The following SGCZ variants were observed in gnomAD, a reference collection of about 807,000 sequenced individuals.
The protein encoded by SGCZ is zeta-sarcoglycan.
SGCZ carries 40 observed loss-of-function variants against 41.3 expected under a neutral mutation model. The ratio of observed to expected loss-of-function variants is 0.97; its 90% confidence interval spans 0.75 to 1.26. The LOEUF is 1.26. SGCZ is among the 50% of genes most tolerant of loss of function. The pLI is 0.00. For synonymous variants in SGCZ, 206 were observed against 137.5 expected (o/e 1.50, Z -3.49); for missense variants, 552 against 369.8 (o/e 1.49, Z -4.04).
intron 3 of SGCZ, among the ~76,000 whole-genome samples, chr8:14,294,477 C>T (rs1440387405): frequency 6.6e-6 from 1 of 151,828 alleles, no homozygotes; most frequent in African/African-American, 2.4e-5. Context: ...TATATAAAAA[C>T]ATTGCTGCGA....
At chr8:14,182,722 T>C (rs1366495387) in intron 4 of SGCZ, among the ~76,000 whole-genome samples, 1 of 152,056 alleles carries the variant, frequency 6.6e-6, no homozygotes, top group East Asian at 1.9e-4. Context: ...AACTGACTAA[T>C]GTATGGCCAG....
rs1353460073 is a variant in SGCZ at position 15,022,180 on chromosome 8, ATTTG to A, written c.39+215401_39+215404del. Among the ~76,000 whole-genome samples the A allele has an allele frequency of 6.6e-5, 10 of 152,284 alleles. No homozygotes were observed. The East Asian group carries it at 1.9e-3, about 29-fold the overall frequency. On this transcript the variant is annotated intron_variant, in intron 1 of 7. Transcript: ENST00000382080. ...AATTTCATATAAATGAATTACTGGA[ATTTG>A]TTTATTTATACTTTCATTTTGTTCA... is the stretch of plus-strand genomic sequence containing the variant.
chr8:14,498,378 C>T (rs1261191731), intron 2 of SGCZ, among the ~76,000 whole-genome samples: 3 of 152,054 alleles, frequency 2.0e-5, no homozygotes, highest in Non-Finnish European at 4.4e-5. Flanking sequence ...AATTCTGATA[C>T]ATTTTGGTTG....
At chr8:14,757,633 C>CA (rs1348257682) in intron 1 of SGCZ, among the ~76,000 whole-genome samples, 5 of 152,138 alleles carry the variant, frequency 3.3e-5, no homozygotes, top group Non-Finnish European at 5.9e-5. Flanking sequence ...TACCGGGTAG[C>CA]ATGATAGAGA....
At chr8:14,225,957 C>A (rs1382230116) in intron 4 of SGCZ, among the ~76,000 whole-genome samples, 2 of 152,010 alleles carry the variant, frequency 1.3e-5, no homozygotes, top group African/African-American at 2.4e-5. Context: ...TAGACCTTAT[C>A]AAAAGTTTCC....
intron 2 of SGCZ, among the ~76,000 whole-genome samples, chr8:14,477,148 T>C (rs1801385175): frequency 6.6e-6 from 1 of 152,192 alleles, no homozygotes; most frequent in African/African-American, 2.4e-5. Context: ...GTGACTAATT[T>C]ACAGTAATAG....
chr8:15,007,278 T>G (rs535268228), intron 1 of SGCZ, among the ~76,000 whole-genome samples: 1 of 152,354 alleles, frequency 6.6e-6, no homozygotes, highest in East Asian at 1.9e-4. Context: ...CAGATTTTGA[T>G]ACTATGTTAC....
In SGCZ at chr8:14,810,099, G is replaced by T. The variant is rs975524687; in HGVS notation, c.40-255173C>A. Among the ~76,000 whole-genome samples, 4 of 152,072 alleles carry T rather than the reference G, an allele frequency of 2.6e-5. No homozygotes were observed. In the East Asian group the frequency reaches 7.7e-4, roughly 29 times the overall value. On this transcript the variant is annotated intron_variant, in intron 1 of 7. Transcript: ENST00000382080. ...AAAGTGTGAAATTTCAGTGCTGAAG[G>T]TAAGGAAGTAATGGCAAAAAAATTT...
chr8:14,311,289 T>C (rs1453517356), intron 3 of SGCZ, among the ~76,000 whole-genome samples: 2 of 152,116 alleles, frequency 1.3e-5, no homozygotes, highest in African/African-American at 4.8e-5. Flanking sequence ...TAACTTTAAC[T>C]GATAGAAACA....
intron 1 of SGCZ, among the ~76,000 whole-genome samples, chr8:15,208,916 G>GAA (rs1801156163): frequency 2.0e-5 from 3 of 151,776 alleles, no homozygotes; most frequent in African/African-American, 7.3e-5. Context: ...GAGAGAGAGA[G>GAA]AGAGAGAATT....
chr8:14,769,816 C>CAAAAAAAAA (rs1800174947), intron 1 of SGCZ, among the ~76,000 whole-genome samples: 1 of 91,218 alleles, frequency 1.1e-5, no homozygotes, highest in African/African-American at 8.5e-5. Flanking sequence ...AAAAAAAAAA[C>CAAAAAAAAA]CCAGCAACAA....
chr8:14,877,396 G>A (rs929350613), intron 1 of SGCZ, among the ~76,000 whole-genome samples: 8 of 152,122 alleles, frequency 5.3e-5, no homozygotes, highest in African/African-American at 1.9e-4. Flanking sequence ...TGTCTAAAAT[G>A]TATTATCAAA....
intron 1 of SGCZ, among the ~76,000 whole-genome samples, chr8:15,231,185 C>G (rs1801927038): frequency 6.6e-6 from 1 of 152,164 alleles, no homozygotes; most frequent in African/African-American, 2.4e-5. Flanking sequence ...CCCTGTTTCC[C>G]TGATGGACAT....
chr8:14,196,274 T>C (rs1805264323), intron 4 of SGCZ, among the ~76,000 whole-genome samples: 1 of 151,920 alleles, frequency 6.6e-6, no homozygotes, highest in African/African-American at 2.4e-5. Flanking sequence ...ATTTTTTTTT[T>C]TTTTTAAAGA....
At chr8:14,955,540 G>C (rs1207624164) in intron 1 of SGCZ, among the ~76,000 whole-genome samples, 1 of 152,146 alleles carries the variant, frequency 6.6e-6, no homozygotes, top group African/African-American at 2.4e-5. Context: ...CACTCATGCT[G>C]CTCCATATTG....
chr8:14,581,257 A>T (rs954694336), intron 1 of SGCZ, among the ~76,000 whole-genome samples: 15 of 151,800 alleles, frequency 9.9e-5, no homozygotes, highest in African/African-American at 3.6e-4. Context: ...TACAAGCACC[A>T]CCACAACACC....
chr8:14,923,519 C>T (rs781451102), intron 1 of SGCZ, among the ~76,000 whole-genome samples: 16 of 152,154 alleles, frequency 1.1e-4, no homozygotes, highest in African/African-American at 2.9e-4. Context: ...ACGAAATGTA[C>T]GAAACTCCCA....
chr8:14,498,244 A>C (rs1451170525), intron 2 of SGCZ, among the ~76,000 whole-genome samples: 1 of 152,032 alleles, frequency 6.6e-6, no homozygotes, highest in Admixed American at 6.6e-5. Flanking sequence ...GAATCCTTAA[A>C]ATTTTTATAG....
intron 3 of SGCZ, among the ~76,000 whole-genome samples, chr8:14,317,689 G>A (rs1801763776): frequency 6.6e-6 from 1 of 151,910 alleles, no homozygotes; most frequent in African/African-American, 2.4e-5. Context: ...AGAAATGAGA[G>A]AAGAGCCAGG....
Sources: gnomAD v4.1 joint callset for allele counts (sites outside exome capture counted in the v4.1 genomes callset) on GRCh38, gnomAD v4.1.1 for gene constraint, MANE v1.5 for transcripts, NCBI Gene and HGNC (gene_info 2026-07-23, HGNC 2026-07-21) for gene names.